RFX4: variants seen among roughly 807,000 people sequenced by gnomAD.
The protein encoded by RFX4 is transcription factor RFX4.
In RFX4, 10 loss-of-function variants were observed where a neutral mutation model predicts 95.0. The ratio of observed to expected loss-of-function variants is 0.11; its 90% confidence interval spans 0.06 to 0.18. The LOEUF is 0.18. Ranked by LOEUF, RFX4 falls within the 10% of genes least tolerant of loss-of-function variation. The pLI is 1.00. For missense variants in RFX4, 640 were observed against 922.0 expected, an observed-to-expected ratio of 0.69 and a Z score of 3.96; for synonymous variants, 321 against 340.7, an observed-to-expected ratio of 0.94 and a Z score of 0.64.
intron 2 of RFX4, among the ~76,000 whole-genome samples, chr12:106,631,121 A>T (rs1234840802): frequency 1.3e-5 from 2 of 152,210 alleles, no homozygotes; most frequent in Non-Finnish European, 2.9e-5. Flanking sequence ...CATGCATTAA[A>T]CTGTTCACTG....
At chr12:106,761,168 C>T in intron 17 of RFX4, 29 bp from the exon 18 acceptor site, 1 of 1,599,718 alleles carries the variant, frequency 6.3e-7, no homozygotes, top group Non-Finnish European at 8.5e-7. Context: ...CTAATTTTAA[C>T]TTTGTGGAAT....
intron 1 of RFX4, among the ~76,000 whole-genome samples, chr12:106,593,724 T>C (rs2039578382): frequency 6.6e-6 from 1 of 152,248 alleles, no homozygotes; most frequent in Non-Finnish European, 1.5e-5. Flanking sequence ...GAAAGAGTTT[T>C]TGAGTTCTAC....
At chr12:106,718,519 G>C (rs1053817139) in intron 11 of RFX4, among the ~76,000 whole-genome samples, 5 of 152,206 alleles carry the variant, frequency 3.3e-5, no homozygotes, top group Non-Finnish European at 5.9e-5. Flanking sequence ...ACCTCCATGG[G>C]TTGTTCATCC....
chr12:106,681,943 A>G (rs1305982006), intron 4 of RFX4, 50 bp from the exon 5 acceptor site: 2 of 1,597,618 alleles, frequency 1.3e-6, no homozygotes, highest in Admixed American at 1.7e-5. Context: ...CTCAGTCACT[A>G]TGCTCCCAAC....
At chr12:106,616,696 A>G (rs1159465967) in intron 2 of RFX4, among the ~76,000 whole-genome samples, 1 of 152,086 alleles carries the variant, frequency 6.6e-6, no homozygotes, top group Non-Finnish European at 1.5e-5. Flanking sequence ...GTTACTTTTA[A>G]GGAATCTGTT....
chr12:106,649,234 G>A (rs937889711), intron 3 of RFX4, among the ~76,000 whole-genome samples: 3 of 152,152 alleles, frequency 2.0e-5, no homozygotes, highest in Non-Finnish European at 2.9e-5. Context: ...TTTCTGCCAT[G>A]CTTTGGTCAG....
In RFX4 at chr12:106,720,137, T is replaced by A; in HGVS notation, c.1233+83T>A. The A allele has an allele frequency of 8.6e-7, 1 of 1,159,536 alleles. No homozygotes were observed. Among genetic ancestry groups the A allele is most frequent in the Non-Finnish European group, 1.3e-6 (1 of 771,986 alleles). The allele number at this position is 1,159,536 out of a possible 1,614,324, so 71.8% of individuals were successfully genotyped here. A position where few individuals can be genotyped will look rare whatever the true frequency, so the allele number is the denominator to read the frequency against. On this transcript the variant is annotated intron_variant, in intron 12 of 17. Transcript: ENST00000392842. The surrounding 1 kb of genome is among the most constrained non-coding windows in gnomAD (Gnocchi z 4.2). Reference sequence around the variant, plus strand: ...TGTGAACTTGGCCAAGACAAAGCCCTATGGTAAGCTATCTGAACAGGGTTT... The same window carrying A: ...TGTGAACTTGGCCAAGACAAAGCCCAATGGTAAGCTATCTGAACAGGGTTT...
intron 2 of RFX4, among the ~76,000 whole-genome samples, chr12:106,616,644 G>C (rs777491112): frequency 3.9e-5 from 6 of 152,076 alleles, no homozygotes; most frequent in Non-Finnish European, 8.8e-5. Flanking sequence ...ATAGTTATTG[G>C]ATTATTTATA....
intron 4 of RFX4, among the ~76,000 whole-genome samples, chr12:106,668,981 A>C (rs773920782): frequency 3.3e-5 from 5 of 152,256 alleles, no homozygotes; most frequent in Non-Finnish European, 7.3e-5. Context: ...ACCTTCTGAA[A>C]TAAAGGCTTA....
chr12:106,746,355 CA>C (rs531874659), intron 15 of RFX4, among the ~76,000 whole-genome samples: 1,357 of 67,288 alleles, frequency 0.02, 8 homozygotes, highest in African/African-American at 0.042. Flanking sequence ...GACTCCATCT[CA>C]AAAAAAAAAA....
rs537395576 is a variant in RFX4 at position 106,684,582 on chromosome 12, T to G, written c.378-2302T>G. ...CAAGAAGTGGTCTGGTCTGAACATA[T>G]TAGATGATCTGGCTCTTAAGAAGTT... is the stretch of plus-strand genomic sequence containing the variant. On this transcript the variant is annotated intron_variant, in intron 5 of 17. Coordinates refer to ENST00000392842, the MANE Select transcript of RFX4 (RefSeq NM_213594.3). 1.6e-5 allele frequency: 12 copies of G among 755,318 alleles called. 1 individual carries two copies. In the East Asian group the frequency reaches 2.2e-4, roughly 14 times the overall value. The allele number at this position is 755,318 out of a possible 1,614,324, so 46.8% of individuals were successfully genotyped here. A position where few individuals can be genotyped will look rare whatever the true frequency, so the allele number is the denominator to read the frequency against.
At chr12:106,598,545 TTTTAAAATGTAATTTCTG>T (rs1217608019) in intron 1 of RFX4, among the ~76,000 whole-genome samples, 1 of 152,194 alleles carries the variant, frequency 6.6e-6, no homozygotes, top group Non-Finnish European at 1.5e-5. Context: ...CTTTTCAATA[TTTTAAAATGTAATTTCTG>T]CAGTAGACTT....
intron 13 of RFX4, among the ~76,000 whole-genome samples, chr12:106,723,063 A>G (rs1266144620): frequency 6.6e-6 from 1 of 152,228 alleles, no homozygotes; most frequent in African/African-American, 2.4e-5. Context: ...ATCGTGTGGA[A>G]TATCACAATG....
chr12:106,753,282 C>G (rs1304133393), intron 17 of RFX4, among the ~76,000 whole-genome samples: 1 of 152,128 alleles, frequency 6.6e-6, no homozygotes, highest in African/African-American at 2.4e-5. Context: ...AAATTGTTCC[C>G]TCTGGCTGGG....
rs560092983 is a variant in RFX4, at chr12:106,687,179, C to T, written c.591+82C>T. ...TCTCTCTGTCTCTATCTCTCTCTCT[C>T]TCTCACACACACACACACACACACA... On this transcript the variant is annotated intron_variant, in intron 6 of 17. Transcript: ENST00000392842. 48 of 722,788 alleles carry T rather than the reference C, an allele frequency of 6.6e-5. No individual in the cohort carries two copies. In the African/African-American group the frequency reaches 1.2e-3, roughly 18 times the overall value. The allele number at this position is 722,788 out of a possible 1,614,324, so 44.8% of individuals were successfully genotyped here.
At chr12:106,590,114 A>C (rs2039516439) in intron 1 of RFX4, among the ~76,000 whole-genome samples, 1 of 152,266 alleles carries the variant, frequency 6.6e-6, no homozygotes, top group Admixed American at 6.5e-5. Flanking sequence ...ACCTATCTGG[A>C]GTAATAAAGA....
intron 1 of RFX4, among the ~76,000 whole-genome samples, chr12:106,597,804 G>A (rs188412697): frequency 1.3e-5 from 2 of 152,264 alleles, no homozygotes; most frequent in Admixed American, 1.3e-4. Context: ...AGGCTGTGGT[G>A]AGCTATGATG....
chr12:106,663,789 C>G (rs2041122810), intron 4 of RFX4, among the ~76,000 whole-genome samples: 1 of 148,038 alleles, frequency 6.8e-6, no homozygotes, highest in Admixed American at 6.7e-5. Flanking sequence ...GTGGGTGTTT[C>G]AATTTGCCAA....
At chr12:106,757,092 G>A (rs2043122183) in intron 17 of RFX4, among the ~76,000 whole-genome samples, 1 of 152,200 alleles carries the variant, frequency 6.6e-6, no homozygotes, top group Non-Finnish European at 1.5e-5. Context: ...GAACCAGATG[G>A]TCAGTCACTA....
Sources: gnomAD v4.1 joint callset for allele counts (sites outside exome capture counted in the v4.1 genomes callset) on GRCh38, gnomAD v4.1.1 for gene constraint, Gnocchi (gnomAD v3.1) non-coding constraint, MANE v1.5 for transcripts, NCBI Gene and HGNC (gene_info 2026-07-23, HGNC 2026-07-21) for gene names.